Variants in DEK observed in about 807,000 individuals in gnomAD.
DEK encodes DEK proto-oncogene, also known as protein DEK.
DEK carries 28 observed loss-of-function variants against 46.8 expected under a neutral mutation model. The observed-to-expected ratio is 0.60, with a 90% CI of 0.44 to 0.82. The LOEUF is 0.82. Ranked by LOEUF, DEK falls within the 40% of genes least tolerant of loss-of-function variation. The pLI is 0.00. For missense variants in DEK, 416 were observed against 430.6 expected (o/e 0.97, Z 0.30); for synonymous variants, 160 against 144.5 (o/e 1.11, Z -0.77).
At chr6:18,261,015 T>G (rs1791837671) in intron 2 of DEK, among the ~76,000 whole-genome samples, 2 of 143,272 alleles carry the variant, frequency 1.4e-5, no homozygotes, top group Non-Finnish European at 3.1e-5. Flanking sequence ...AAAGAAAACC[T>G]CTACTAGGGC....
At chr6:18,241,427 C>G (rs920878217) in intron 7 of DEK, among the ~76,000 whole-genome samples, 1 of 152,166 alleles carries the variant, frequency 6.6e-6, no homozygotes, top group African/African-American at 2.4e-5. Flanking sequence ...GATTCTAAAC[C>G]TAGCTTAACA....
intron 9 of DEK, among the ~76,000 whole-genome samples, chr6:18,236,175 C>G (rs1790638372): frequency 6.6e-6 from 1 of 152,098 alleles, no homozygotes; most frequent in Non-Finnish European, 1.5e-5. Flanking sequence ...ACCTACAGAT[C>G]AGAAAAAGTT....
At chr6:18,235,757 G>C (rs1790621128) in intron 9 of DEK, among the ~76,000 whole-genome samples, 2 of 152,064 alleles carry the variant, frequency 1.3e-5, no homozygotes, top group Non-Finnish European at 2.9e-5. Flanking sequence ...TCAAAGTGTT[G>C]GGATTACAGG....
chr6:18,235,853 G>T (rs763099394), intron 9 of DEK, among the ~76,000 whole-genome samples: 3 of 152,106 alleles, frequency 2.0e-5, no homozygotes, highest in Admixed American at 6.6e-5. Context: ...GTGAATGAAT[G>T]AACAAAATAA....
intron 9 of DEK, among the ~76,000 whole-genome samples, chr6:18,227,026 A>C (rs1790161501): frequency 6.6e-6 from 1 of 152,202 alleles, no homozygotes; most frequent in Non-Finnish European, 1.5e-5. Flanking sequence ...CAGGGACACA[A>C]ACACCGCGGA....
chr6:18,228,280 T>C (rs1355020826), intron 9 of DEK, among the ~76,000 whole-genome samples: 1 of 152,158 alleles, frequency 6.6e-6, no homozygotes, highest in Non-Finnish European at 1.5e-5. Flanking sequence ...CAATAAAATT[T>C]TGCTTACAAA....
chr6:18,250,244 C>T (rs1561986702), intron 6 of DEK, among the ~76,000 whole-genome samples: 1 of 152,128 alleles, frequency 6.6e-6, no homozygotes, highest in Non-Finnish European at 1.5e-5. Flanking sequence ...CCGAGGCGGG[C>T]AGATCATGAG....
intron 2 of DEK, among the ~76,000 whole-genome samples, 171 bp from the exon 3 acceptor site, chr6:18,258,576 G>C (rs1398299197): frequency 6.6e-6 from 1 of 151,862 alleles, no homozygotes; most frequent in Non-Finnish European, 1.5e-5. Context: ...TTAATTAATA[G>C]AGCACCATGA....
chr6:18,249,172 A>G (rs904845796), intron 7 of DEK, among the ~76,000 whole-genome samples: 11 of 152,202 alleles, frequency 7.2e-5, no homozygotes, highest in African/African-American at 2.7e-4. Flanking sequence ...TTATCCACTC[A>G]TTATATAAAC....
chr6:18,258,184 T>C, intron 3 of DEK, 120 bp downstream of exon 3: 1 of 1,079,294 alleles, frequency 9.3e-7, no homozygotes, highest in Non-Finnish European at 1.3e-6. Flanking sequence ...ACAGAGCAAA[T>C]TAAATAAAAT....
intron 9 of DEK, among the ~76,000 whole-genome samples, chr6:18,228,451 G>A (rs138544724): frequency 2.8e-3 from 427 of 152,114 alleles, no homozygotes; most frequent in Admixed American, 3.5e-3. Context: ...CGTGAGCGAC[G>A]CAGAAGACGG....
chr6:18,248,409 A>G (rs201468774), intron 7 of DEK, among the ~76,000 whole-genome samples: 1 of 152,228 alleles, frequency 6.6e-6, no homozygotes, highest in East Asian at 1.9e-4. Flanking sequence ...TGAAGATACT[A>G]TCAGTTTAAA....
intron 2 of DEK, 88 bp from the exon 3 acceptor site, chr6:18,258,493 A>C (rs1791700122): frequency 3.3e-6 from 3 of 920,782 alleles, no homozygotes; most frequent in South Asian, 3.1e-5. Flanking sequence ...CAAAGTCCCC[A>C]AAACCTAATA....
At chr6:18,254,006 C>T (rs749171853) in intron 6 of DEK, among the ~76,000 whole-genome samples, 5 of 152,030 alleles carry the variant, frequency 3.3e-5, no homozygotes, top group Non-Finnish European at 7.4e-5. Context: ...TCAGGCCCTT[C>T]ATAGATTTTA....
intron 5 of DEK, 38 bp downstream of exon 5, chr6:18,256,323 A>G (rs754062289): frequency 7.9e-6 from 12 of 1,525,216 alleles, no homozygotes; most frequent in Non-Finnish European, 1.1e-5. Context: ...AACTTAAAGC[A>G]TATTGATCAA....
At chr6:18,245,867 A>T (rs1426716261) in intron 7 of DEK, among the ~76,000 whole-genome samples, 1 of 152,278 alleles carries the variant, frequency 6.6e-6, no homozygotes, top group Non-Finnish European at 1.5e-5. Context: ...TAACTGAATC[A>T]CGAGGGTGGG....
chr6:18,235,546 C>T (rs1561976892), intron 9 of DEK, among the ~76,000 whole-genome samples: 1 of 152,204 alleles, frequency 6.6e-6, no homozygotes, highest in Non-Finnish European at 1.5e-5. Context: ...ACAGCCCTCG[C>T]TTACAATATT....
At chr6:18,245,267 T>C (rs1582276015) in intron 7 of DEK, among the ~76,000 whole-genome samples, 1 of 152,236 alleles carries the variant, frequency 6.6e-6, no homozygotes, top group Non-Finnish European at 1.5e-5. Flanking sequence ...ATGAAGTTAA[T>C]TGCCATATAC....
At chr6:18,226,070 T>C (rs531076572) in intron 10 of DEK, 104 bp downstream of exon 10, 3 of 959,548 alleles carry the variant, frequency 3.1e-6, no homozygotes, top group South Asian at 4.7e-5. Flanking sequence ...GAGGATCAAA[T>C]GTGATATTTA....
Sources: allele counts gnomAD v4.1 joint callset (sites outside exome capture counted in the v4.1 genomes callset), GRCh38; gene constraint gnomAD v4.1.1; transcripts MANE v1.5; gene names NCBI Gene and HGNC (gene_info 2026-07-23, HGNC 2026-07-21).